The following CNTN5 variants were observed in gnomAD, a reference collection of about 807,000 sequenced individuals.
The protein encoded by CNTN5 is contactin 5, also known as contactin-5.
Under a neutral mutation model 129.1 loss-of-function variants are expected in CNTN5, and 77 were observed. That is an observed-to-expected ratio of 0.60 (90% CI 0.50 to 0.72). The LOEUF is 0.72. CNTN5 is among the 30% of genes least tolerant of loss of function. CNTN5 has a pLI of 0.00. For synonymous variants in CNTN5, 509 were observed against 465.6 expected (o/e 1.09, Z -1.20); for missense variants, 1,478 against 1,328.8 (o/e 1.11, Z -1.75).
chr11:100,176,377 A>G (rs1396469531), intron 13 of CNTN5, among the ~76,000 whole-genome samples: 3 of 146,366 alleles, frequency 2.0e-5, no homozygotes, highest in Admixed American at 1.3e-4. Context: ...ACATTGTATT[A>G]TTTTCAACAC....
chr11:100,159,998 A>T (rs753248022), intron 13 of CNTN5, among the ~76,000 whole-genome samples: 1 of 151,844 alleles, frequency 6.6e-6, no homozygotes, highest in Non-Finnish European at 1.5e-5. Flanking sequence ...TTACATAGGT[A>T]TACACGTGCC....
rs1010738846 is a variant in CNTN5, at chr11:99,188,288, A to G, written c.-209-137058A>G. ...CCTATTTTGGCAGTCTAACTTTCAT[A>G]TGGATTCCTAGAAGTAACATTGTTG... On this transcript the variant is annotated intron_variant, in intron 1 of 24. Transcript: ENST00000524871. Among the ~76,000 whole-genome samples the G allele has an allele frequency of 2.6e-5, 4 of 151,932 alleles. No individual in the cohort carries two copies. The East Asian group carries it at 7.7e-4, about 29-fold the overall frequency.
chr11:99,894,529 A>C (rs36082733), intron 6 of CNTN5, among the ~76,000 whole-genome samples: 1 of 127,976 alleles, frequency 7.8e-6, no homozygotes. Context: ...AAAAAAAAAA[A>C]CCAAAAAACA....
intron 3 of CNTN5, among the ~76,000 whole-genome samples, chr11:99,708,248 C>T (rs1954834377): frequency 6.6e-6 from 1 of 151,670 alleles, no homozygotes; most frequent in African/African-American, 2.4e-5. Context: ...TTTAAATTTT[C>T]AGACCTTTTA....
At chr11:100,026,736 TA>T (rs1941438518) in intron 9 of CNTN5, among the ~76,000 whole-genome samples, 1 of 152,192 alleles carries the variant, frequency 6.6e-6, no homozygotes. Flanking sequence ...ATTGTTTTCT[TA>T]TTGTTTAGTT....
intron 3 of CNTN5, among the ~76,000 whole-genome samples, chr11:99,765,019 A>G (rs562480904): frequency 3.9e-5 from 6 of 152,158 alleles, no homozygotes; most frequent in Admixed American, 1.3e-4. Context: ...TGAATTTTTC[A>G]TCCTTTTTAC....
chr11:99,060,454 A>T (rs1864826700), intron 1 of CNTN5, among the ~76,000 whole-genome samples: 1 of 152,134 alleles, frequency 6.6e-6, no homozygotes, highest in Non-Finnish European at 1.5e-5. Context: ...AAACAATTAC[A>T]CTAAAGCTAT....
intron 3 of CNTN5, among the ~76,000 whole-genome samples, chr11:99,674,450 G>C (rs1227867154): frequency 6.6e-6 from 1 of 151,938 alleles, no homozygotes; most frequent in Admixed American, 6.6e-5. Context: ...GAAGCTCTTT[G>C]CTTTAGTTAG....
chr11:99,175,823 C>T (rs1370150320), intron 1 of CNTN5, among the ~76,000 whole-genome samples: 3 of 151,952 alleles, frequency 2.0e-5, no homozygotes, highest in Admixed American at 1.3e-4. Flanking sequence ...CCTAGGAGAA[C>T]TGCAGCTACT....
chr11:99,787,952 A>G (rs1945595146), intron 3 of CNTN5, among the ~76,000 whole-genome samples: 1 of 151,952 alleles, frequency 6.6e-6, no homozygotes, highest in South Asian at 2.1e-4. Flanking sequence ...TTATAATGCC[A>G]TTATAATTTC....
chr11:99,046,639 A>C (rs1864222187), intron 1 of CNTN5, among the ~76,000 whole-genome samples: 1 of 152,142 alleles, frequency 6.6e-6, no homozygotes, highest in Non-Finnish European at 1.5e-5. Context: ...TAATATCTTC[A>C]TGAGGTTTTT....
chr11:100,107,525 T>G (rs1164257492), intron 13 of CNTN5, among the ~76,000 whole-genome samples: 2 of 148,140 alleles, frequency 1.4e-5, no homozygotes, highest in African/African-American at 2.5e-5. Flanking sequence ...AACATCTCAG[T>G]GGTTCCAAAA....
At chr11:99,668,443 A>G (rs1025317160) in intron 3 of CNTN5, among the ~76,000 whole-genome samples, 4 of 152,110 alleles carry the variant, frequency 2.6e-5, no homozygotes, top group African/African-American at 4.8e-5. Flanking sequence ...ACCAGCGCCC[A>G]TGGGAACGGT....
intron 8 of CNTN5, among the ~76,000 whole-genome samples, chr11:99,979,132 TTTC>T (rs1382336677): frequency 1.3e-5 from 2 of 152,188 alleles, no homozygotes; most frequent in Non-Finnish European, 2.9e-5. Context: ...TTCATTTCGT[TTTC>T]TTTTTTCTTT....
chr11:99,428,825 G>T (rs1159654701), intron 2 of CNTN5, among the ~76,000 whole-genome samples: 1 of 151,926 alleles, frequency 6.6e-6, no homozygotes, highest in Non-Finnish European at 1.5e-5. Flanking sequence ...GTTAACAATT[G>T]TTTTTAGCCT....
At chr11:100,092,320 A>G (rs573898719) in intron 13 of CNTN5, among the ~76,000 whole-genome samples, 21 of 152,216 alleles carry the variant, frequency 1.4e-4, no homozygotes, top group African/African-American at 3.4e-4. Flanking sequence ...TCTTTACTTC[A>G]TTTACCCGGT....
chr11:99,029,599 A>T (rs1863265610), intron 1 of CNTN5, among the ~76,000 whole-genome samples: 2 of 152,104 alleles, frequency 1.3e-5, no homozygotes, highest in African/African-American at 4.8e-5. Context: ...AGAGGCAGAA[A>T]CAAAACAAAT....
chr11:100,203,108 TTCAG>T (rs1948822582), intron 15 of CNTN5, among the ~76,000 whole-genome samples: 1 of 152,074 alleles, frequency 6.6e-6, no homozygotes, highest in African/African-American at 2.4e-5. Flanking sequence ...TAAAATTATG[TTCAG>T]TAAGATAAAA....
In CNTN5 at chr11:99,906,023, A is replaced by G. The variant is rs368126997; in HGVS notation, c.578-10031A>G. Among the ~76,000 whole-genome samples, 45 of 151,756 alleles carry G rather than the reference A, an allele frequency of 3.0e-4. No individual in the cohort carries two copies. In the South Asian group the frequency reaches 8.7e-3, roughly 29 times the overall value. On this transcript the variant is annotated intron_variant, in intron 6 of 24. Coordinates refer to ENST00000524871, the MANE Select transcript of CNTN5 (RefSeq NM_014361.4). ...GAGAGTTTGCTGAAGTTGCTTATTA[A>G]GGAGATTTTGGGCTGAGACGATAGG...
Sources: gnomAD v4.1 joint callset for allele counts (sites outside exome capture counted in the v4.1 genomes callset) on GRCh38, gnomAD v4.1.1 for gene constraint, MANE v1.5 for transcripts, NCBI Gene and HGNC (gene_info 2026-07-23, HGNC 2026-07-21) for gene names.